Variants in CMSS1 observed in about 807,000 individuals in gnomAD.
The protein encoded by CMSS1 is cms1 ribosomal small subunit homolog.
CMSS1 carries 33 observed loss-of-function variants against 43.5 expected under a neutral mutation model. The observed-to-expected ratio is 0.76, with a 90% CI of 0.57 to 1.01. The LOEUF is 1.01. CMSS1 is among the 50% of genes least tolerant of loss of function. The probability of loss-of-function intolerance (pLI) is 0.00; values close to 1 mark genes in which losing one functional copy is unlikely to be tolerated. For synonymous variants in CMSS1, 115 were observed against 117.2 expected, an observed-to-expected ratio of 0.98 and a Z score of 0.12; for missense variants, 313 against 326.4, an observed-to-expected ratio of 0.96 and a Z score of 0.32.
chr3:99,958,290 C>T (rs1269901183), intron 1 of CMSS1, among the ~76,000 whole-genome samples: 1 of 149,858 alleles, frequency 6.7e-6, no homozygotes, highest in Non-Finnish European at 1.5e-5. Flanking sequence ...TTTAAGAGAA[C>T]AGTAACAGAA....
chr3:99,930,476 C>G lies in CMSS1; in HGVS notation c.64+112433C>G, dbSNP rs370743491. ...TTAAACCAATCCCGAAGTCATCTGG[C>G]ATTATTGCTACTGATGCATGCATGT... is the stretch of plus-strand genomic sequence containing the variant. On this transcript the variant is annotated intron_variant, in intron 1 of 9. Coordinates refer to ENST00000421999, the MANE Select transcript of CMSS1 (RefSeq NM_032359.4). Among the ~76,000 whole-genome samples the G allele has an allele frequency of 5.3e-5, 8 of 152,266 alleles. No homozygotes were observed. The East Asian group carries it at 5.8e-4, about 11-fold the overall frequency.
At chr3:100,017,060 A>T (rs1167770153) in intron 1 of CMSS1, among the ~76,000 whole-genome samples, 8 of 152,260 alleles carry the variant, frequency 5.3e-5, no homozygotes, top group Non-Finnish European at 1.2e-4. Context: ...ACATGTGTGT[A>T]TAATTCTTCA....
rs758172517 is a variant in CMSS1, at chr3:99,983,832, G to GTTTATTTC, written c.65-163141_65-163140insTTTATTTC. 2.1e-4 allele frequency among the ~76,000 whole-genome samples: 32 copies of GTTTATTTC among 151,908 alleles called. 1 individual carries two copies. The highest frequency in any genetic ancestry group is 4.2e-4 in the South Asian group (2 of 4,810). On this transcript the variant is annotated intron_variant, in intron 1 of 9. Coordinates refer to ENST00000421999, the MANE Select transcript of CMSS1 (RefSeq NM_032359.4). The stretch of plus-strand genomic sequence containing the variant: ...CAGAGGATGAAAGCAAAGGAGAATG[G>GTTTATTTC]ACCATCTGATGAAATAAACTTATAA...
intron 2 of CMSS1, among the ~76,000 whole-genome samples, chr3:100,148,514 T>G (rs1285427289): frequency 6.6e-6 from 1 of 152,216 alleles, no homozygotes; most frequent in African/African-American, 2.4e-5. Context: ...ACCCAAAGTT[T>G]GTGACCCAGC....
chr3:99,911,721 T>C (rs985668699), intron 1 of CMSS1, among the ~76,000 whole-genome samples: 1 of 152,250 alleles, frequency 6.6e-6, no homozygotes, highest in South Asian at 2.1e-4. Context: ...AATCAGATCC[T>C]TGAGCACTCT....
intron 1 of CMSS1, among the ~76,000 whole-genome samples, chr3:100,126,529 A>C (rs1397064017): frequency 6.6e-6 from 1 of 152,196 alleles, no homozygotes; most frequent in Non-Finnish European, 1.5e-5. Flanking sequence ...ATAGGCCATT[A>C]TATCTTTATC....
At chr3:99,867,484 CT>C (rs993585063) in intron 1 of CMSS1, among the ~76,000 whole-genome samples, 1 of 152,154 alleles carries the variant, frequency 6.6e-6, no homozygotes, top group African/African-American at 2.4e-5. Context: ...TAATTCACAG[CT>C]AAAAACAAAG....
intron 1 of CMSS1, among the ~76,000 whole-genome samples, chr3:100,133,586 T>C (rs2066727606): frequency 6.6e-6 from 1 of 152,240 alleles, no homozygotes; most frequent in South Asian, 2.1e-4. Flanking sequence ...TAGTATAGTA[T>C]TGATAAACCA....
intron 1 of CMSS1, chr3:100,075,749 C>A (rs776915294): frequency 2.0e-5 from 3 of 152,028 alleles, no homozygotes; most frequent in Non-Finnish European, 1.5e-5. Flanking sequence ...GAATTTCATC[C>A]CACAGTGATA....
intron 1 of CMSS1, among the ~76,000 whole-genome samples, chr3:100,096,970 C>T (rs1486928570): frequency 6.6e-6 from 1 of 152,064 alleles, no homozygotes; most frequent in Admixed American, 6.5e-5. Flanking sequence ...ATTTACATAG[C>T]ATTTATATTG....
intron 1 of CMSS1, among the ~76,000 whole-genome samples, chr3:99,941,876 T>C (rs1707859497): frequency 3.9e-5 from 6 of 152,214 alleles, no homozygotes; most frequent in Admixed American, 6.5e-5. Flanking sequence ...AACCTTGAAA[T>C]TGATCAACAA....
At chr3:100,161,080 G>A (rs950006684) in intron 3 of CMSS1, among the ~76,000 whole-genome samples, 14 of 152,290 alleles carry the variant, frequency 9.2e-5, no homozygotes, top group Non-Finnish European at 1.8e-4. Flanking sequence ...CTTGGAGAAA[G>A]TATGGTTAGC....
chr3:100,135,642 C>T (rs2066747455), intron 1 of CMSS1, among the ~76,000 whole-genome samples: 1 of 144,322 alleles, frequency 6.9e-6, no homozygotes, highest in South Asian at 2.1e-4. Flanking sequence ...CACTGCACCT[C>T]ACTTCCTGTG....
chr3:100,027,498 C>G (rs1250140541), intron 1 of CMSS1, among the ~76,000 whole-genome samples: 1 of 152,144 alleles, frequency 6.6e-6, no homozygotes, highest in Admixed American at 6.6e-5. Context: ...TGGGAACAGA[C>G]TTTATGAATG....
At chr3:100,014,863 C>CTTTTT (rs1710276798) in intron 1 of CMSS1, among the ~76,000 whole-genome samples, 2 of 18,068 alleles carry the variant, frequency 1.1e-4, no homozygotes, top group East Asian at 1.2e-3. Context: ...CACCATTTGT[C>CTTTTT]TTTTTCTTTT....
Position 99,850,456 on chromosome 3 carries a change from G to A in CMSS1, c.64+32413G>A, listed in dbSNP as rs200354760. The A allele has an allele frequency of 2.0e-5, 32 of 1,613,832 alleles. No homozygotes were observed. The highest frequency in any genetic ancestry group is 9.3e-5 in the African/African-American group (7 of 74,936). ...TAGTTTAAAGTCTTTACTCTGTAAC[G>A]TCTCCCTTTCAAGCCTCTTATTGAG... is the stretch of plus-strand genomic sequence containing the variant. On this transcript the variant is annotated intron_variant, in intron 1 of 9. Transcript: ENST00000421999.
intron 1 of CMSS1, among the ~76,000 whole-genome samples, chr3:100,130,213 A>G (rs17315236): frequency 0.04 from 6,103 of 152,262 alleles, 165 homozygotes; most frequent in Middle Eastern, 0.068. Context: ...GAACAGCTCT[A>G]TTTTGATGTC....
intron 4 of CMSS1, among the ~76,000 whole-genome samples, chr3:100,164,265 C>A (rs2067048732): frequency 1.3e-5 from 2 of 152,188 alleles, no homozygotes; most frequent in African/African-American, 4.8e-5. Context: ...TTTACTGTGA[C>A]TCAATGGTCA....
chr3:100,080,661 G>C (rs1167865116), intron 1 of CMSS1, among the ~76,000 whole-genome samples: 2 of 152,220 alleles, frequency 1.3e-5, no homozygotes, highest in Non-Finnish European at 2.9e-5. Flanking sequence ...AGGCAGTGGG[G>C]ATGGCAGAAA....
Sources: gnomAD v4.1 joint callset for allele counts (sites outside exome capture counted in the v4.1 genomes callset) on GRCh38, gnomAD v4.1.1 for gene constraint, MANE v1.5 for transcripts, NCBI Gene and HGNC (gene_info 2026-07-23, HGNC 2026-07-21) for gene names.